MACF1: variants seen among roughly 807,000 people sequenced by gnomAD.
MACF1 encodes the protein microtubule-actin cross-linking factor 1.
Under a neutral mutation model 854.8 loss-of-function variants are expected in MACF1, and 193 were observed. That is an observed-to-expected ratio of 0.23 (90% confidence interval 0.20 to 0.25). The LOEUF (loss-of-function observed/expected upper bound fraction) is 0.25, where lower values mean the gene tolerates loss of function less well. MACF1 is among the 10% of genes least tolerant of loss of function. The pLI is 1.00. For missense variants in MACF1, 7,722 were observed against 8,929.1 expected (o/e 0.86, Z 5.45); for synonymous variants, 3,185 against 3,226.7 (o/e 0.99, Z 0.44).
intron 20 of MACF1, 25 bp from the exon 21 acceptor site, chr1:39,297,595 G>A (rs372127567): frequency 4.1e-5 from 66 of 1,613,622 alleles, no homozygotes; most frequent in Non-Finnish European, 5.2e-5. Flanking sequence ...TGAGCAGAAG[G>A]CATCCTTACT....
chr1:39,442,999 G>A, intron 78 of MACF1, 88 bp downstream of exon 78: 3 of 1,310,718 alleles, frequency 2.3e-6, no homozygotes, highest in Non-Finnish European at 3.2e-6. Flanking sequence ...AATTTGAAAA[G>A]CAAAGAATCC....
At chr1:39,164,380 G>A (rs1643863651) in intron 2 of MACF1, among the ~76,000 whole-genome samples, 1 of 152,176 alleles carries the variant, frequency 6.6e-6, no homozygotes, top group Non-Finnish European at 1.5e-5. Context: ...GATAGCTCTT[G>A]GCCCCTTGTC....
At position 39,447,526 on chromosome 1, in the gene MACF1, A is replaced by G; in HGVS notation, c.19700A>G (p.Asn6567Ser). The G allele has an allele frequency of 6.2e-7, 1 of 1,614,200 alleles. No homozygotes were observed. Among genetic ancestry groups the G allele is most frequent in the Non-Finnish European group, 8.5e-7 (1 of 1,180,020 alleles). The change falls in exon 81 of 101, where the codon AAC (asparagine) becomes AGC (serine). Residue 6567 changes from asparagine to serine, a missense_variant. Coordinates refer to ENST00000564288, the MANE Select transcript of MACF1 (RefSeq NM_001394062.1). ...NWLTLAEQSLNIASPPSLILN... is the reference protein window; with the variant it reads ...NWLTLAEQSLSIASPPSLILN... The stretch of plus-strand genomic sequence containing the variant: ...CTCACTCTAGCAGAGCAGAGTTTAA[A>G]CATCGCTTCTCCACCAAGCCTGATT...
chr1:39,364,822 G>A (rs1453295711), intron 49 of MACF1, among the ~76,000 whole-genome samples: 1 of 152,060 alleles, frequency 6.6e-6, no homozygotes, highest in African/African-American at 2.4e-5. Context: ...CTACATAGAA[G>A]ATTTTATGAG....
intron 3 of MACF1, among the ~76,000 whole-genome samples, chr1:39,251,286 C>T (rs918074464): frequency 1.2e-4 from 19 of 152,028 alleles, no homozygotes; most frequent in Admixed American, 2.6e-4. Flanking sequence ...CTCTCTGGCT[C>T]GTGTTTATAA....
chr1:39,385,969 G>C, intron 57 of MACF1, 40 bp downstream of exon 57: 1 of 1,556,432 alleles, frequency 6.4e-7, no homozygotes, highest in Non-Finnish European at 8.7e-7. Context: ...CATTATTAGA[G>C]GCAAGCAGAA....
At chr1:39,323,109 T>G (rs770027649) in intron 33 of MACF1, 101 bp downstream of exon 33, 191 of 1,049,356 alleles carry the variant, frequency 1.8e-4, no homozygotes, top group Middle Eastern at 4.2e-4. Context: ...GGTGGCTGAG[T>G]TGGGAGGATT....
At position 39,451,223 on chromosome 1, in the gene MACF1, G is replaced by A. The variant is rs1212276399; in HGVS notation, c.20418+12G>A. On this transcript the variant is annotated intron_variant, in intron 85 of 100. Transcript: ENST00000564288. ...TGGATGCACACAAGGTAGGGGTGAG[G>A]TCTGGGCTACATTGGAGTGCAGTGG... The A allele has an allele frequency of 1.2e-6, 2 of 1,612,072 alleles. No homozygotes were observed. Among genetic ancestry groups the A allele is most frequent in the Admixed American group, 1.7e-5 (1 of 59,762 alleles).
chr1:39,298,591 A>T (rs529174938), intron 21 of MACF1: 33 of 419,922 alleles, frequency 7.9e-5, no homozygotes, highest in Admixed American at 7.1e-4. Context: ...AAAACAGTTC[A>T]TTTTTTTTGT....
Position 39,286,678 on chromosome 1 carries a change from G to T in MACF1, c.1509-608G>T, listed in dbSNP as rs146852195. ...GACGGGGTTTCACCATGTTGGCCAG[G>T]CTGGTCTTGAATTCCTGACCTTGTG... On this transcript the variant is annotated intron_variant, in intron 14 of 100. Coordinates refer to ENST00000564288, the MANE Select transcript of MACF1 (RefSeq NM_001394062.1). 9.6e-3 allele frequency among the ~76,000 whole-genome samples: 1,462 copies of T among 151,772 alleles called. 24 individuals are homozygous for T. The highest frequency in any genetic ancestry group is 0.034 in the African/African-American group (1,390 of 41,382).
rs544995787 is a variant in MACF1, at chr1:39,334,507, T to A, written c.7919T>A (p.Ile2640Asn). The change falls in exon 37 of 101, where the codon ATT becomes AAT. Residue 2640 changes from isoleucine (I) to asparagine (N), a missense_variant. This residue lies in a region of MACF1 where 1,531 missense variants were observed against 1,601.6 expected (regional missense o/e 0.96). Coordinates refer to ENST00000564288, the MANE Select transcript of MACF1 (RefSeq NM_001394062.1). ...TTAGTCAAGAAATGTAAGATTGATA[T>A]TGAATCTGGACAGAGATATCTAGAA... ...SELVKKCKID[I>N]ESGQRYLEVI... 1 of 1,614,132 alleles carries A rather than the reference T, an allele frequency of 6.2e-7. No homozygotes were observed. The highest frequency in any genetic ancestry group is 1.7e-5 in the Admixed American group (1 of 60,018).
rs562984940 is a variant in MACF1, at chr1:39,480,988, C to G, written c.22239C>G (p.Ile7413Met). ...WLVNSKAGTPIRDSHSPDLQL... is the reference protein window; with the variant it reads ...WLVNSKAGTPMRDSHSPDLQL... Reference sequence around the variant, plus strand: ...TAAACAGTAAAGCTGGCACCCCTATCAGGGACAGCCATTCTCCTGACCTCC... The same window carrying G: ...TAAACAGTAAAGCTGGCACCCCTATGAGGGACAGCCATTCTCCTGACCTCC... Residue 7413 changes from isoleucine (I) to methionine (M), a missense_variant, in exon 99 of 101, where the codon ATC becomes ATG. Around this residue, in one of 15 missense-constraint regions of MACF1, gnomAD observed 185 missense variants for 225.7 expected, o/e 0.82. Coordinates refer to ENST00000564288, the MANE Select transcript of MACF1 (RefSeq NM_001394062.1). 358 of 1,550,638 alleles carry G rather than the reference C, an allele frequency of 2.3e-4. 4 individuals carry two copies. In the South Asian group the frequency reaches 4.1e-3, roughly 18 times the overall value.
At chr1:39,202,997 C>A (rs757149068), upstream of MACF1, among the ~76,000 whole-genome samples, 1 of 151,930 alleles carries the variant, frequency 6.6e-6, no homozygotes, top group Non-Finnish European at 1.5e-5. Flanking sequence ...TTATGCACAT[C>A]TAAAACTCTT....
rs372352058 is a variant in MACF1 at position 39,476,200 on chromosome 1, G to A, written c.21959-3598G>A. Among the ~76,000 whole-genome samples the A allele has an allele frequency of 7.9e-5, 12 of 152,268 alleles. No homozygotes were observed. In the East Asian group the frequency reaches 2.3e-3, roughly 29 times the overall value. On this transcript the variant is annotated intron_variant, in intron 97 of 100. Transcript: ENST00000564288. ...GAATCAGCTGGCATCTATCAACCTTGACACATGGTTGACATTCATCAGTTG... is the reference window on the plus strand; with the variant it reads ...GAATCAGCTGGCATCTATCAACCTTAACACATGGTTGACATTCATCAGTTG...
chr1:39,277,164 A>C (rs928050339), intron 6 of MACF1, among the ~76,000 whole-genome samples: 4 of 151,994 alleles, frequency 2.6e-5, no homozygotes, highest in African/African-American at 7.2e-5. Flanking sequence ...AAAAAAAAAA[A>C]AAACCCTAAT....
Position 39,287,377 on chromosome 1 carries a change from C to G in MACF1, c.1600C>G (p.Pro534Ala), listed in dbSNP as rs759905857. 6.2e-7 allele frequency: 1 copy of G among 1,614,082 alleles called. No homozygotes were observed. The highest frequency in any genetic ancestry group is 1.1e-5 in the South Asian group (1 of 91,078). ...TCATTTCACTTCACTTGAATTGGTT[C>G]CACCCTCTACTTTAACCACCACTCA... ...KGHFTSLELVPPSTLTTTHLK... is the reference protein window; with the variant it reads ...KGHFTSLELVAPSTLTTTHLK... The change falls in exon 15 of 101, where the codon CCA becomes GCA. Residue 534 changes from proline to alanine, a missense_variant. Physicochemically the swap from Pro to Ala is conservative, Grantham distance 27 (BLOSUM62 -1). Coordinates refer to ENST00000564288, the MANE Select transcript of MACF1 (RefSeq NM_001394062.1).
intron 58 of MACF1, among the ~76,000 whole-genome samples, chr1:39,396,409 A>G (rs767972623): frequency 6.6e-6 from 1 of 152,218 alleles, no homozygotes; most frequent in Non-Finnish European, 1.5e-5. Context: ...AATTCTTCAC[A>G]TACAGTATCA....
At chr1:39,450,938 T>C in intron 84 of MACF1, 114 bp from the exon 85 acceptor site, 1 of 1,211,844 alleles carries the variant, frequency 8.3e-7, no homozygotes, top group Non-Finnish European at 1.2e-6. Flanking sequence ...TGTTCTAACA[T>C]AGAAGTCACT....
Position 39,336,293 on chromosome 1 carries a change from T to C in MACF1, c.9705T>C (p.Thr3235=). Residue 3235 remains threonine, a synonymous_variant, in exon 37 of 101, where the codon ACT becomes ACC. Coordinates refer to ENST00000564288, the MANE Select transcript of MACF1 (RefSeq NM_001394062.1). ...LKSEIATQEL[T]GEKFLEMANP... ...CTGAAATAGCAACACAGGAACTAAC[T>C]GGAGAGAAATTTCTAGAAATGGCAA... The C allele has an allele frequency of 6.2e-7, 1 of 1,614,126 alleles. No individual in the cohort carries two copies. Among genetic ancestry groups the C allele is most frequent in the Non-Finnish European group, 8.5e-7 (1 of 1,180,000 alleles).
Sources: allele counts gnomAD v4.1 joint callset (sites outside exome capture counted in the v4.1 genomes callset), GRCh38; gene constraint gnomAD v4.1.1; regional missense constraint gnomAD v4.1.1; transcripts MANE v1.5; gene names NCBI Gene and HGNC (gene_info 2026-07-23, HGNC 2026-07-21).